CHLSN: variants seen among roughly 807,000 people sequenced by gnomAD.
The protein encoded by CHLSN is protein cholesin.
At chr7:1,042,991 C>T in the CHLSN span, among the ~76,000 whole-genome samples, 1 of 152,028 alleles carries the variant, frequency 6.6e-6, no homozygotes. Flanking sequence ...GTGGCTCACA[C>T]CTGTAATCCC....
At chr7:1,075,771 C>T in the CHLSN span, among the ~76,000 whole-genome samples, 2 of 151,826 alleles carry the variant, frequency 1.3e-5, no homozygotes, top group East Asian at 2.0e-4. Flanking sequence ...CGCCACCACT[C>T]CCAGCTAATT....
chr7:1,016,748 GCAGCACACGCCAGCGCA>G, the CHLSN span, among the ~76,000 whole-genome samples: 5 of 102,930 alleles, frequency 4.9e-5, no homozygotes, highest in South Asian at 2.8e-4. Flanking sequence ...CCAGCGCACA[GCAGCACACGCCAGCGCA>G]CAGCGCACAG....
chr7:1,133,392 C>CAAAAA, the CHLSN span, among the ~76,000 whole-genome samples: 351 of 91,076 alleles, frequency 3.9e-3, 9 homozygotes, highest in African/African-American at 0.013. Flanking sequence ...CGATATACTG[C>CAAAAA]AAAAAAAAAA....
the CHLSN span, chr7:1,000,631 G>A: frequency 3.7e-4 from 443 of 1,198,940 alleles, 4 homozygotes; most frequent in African/African-American, 5.3e-3. Context: ...GATCGGGGAC[G>A]CCTCATCTTA....
the CHLSN span, chr7:985,063 C>G: frequency 2.5e-6 from 4 of 1,612,536 alleles, no homozygotes; most frequent in Non-Finnish European, 3.4e-6. Flanking sequence ...TCTGCAGGAG[C>G]TGAAATGCCT....
At chr7:995,838 T>G in the CHLSN span, among the ~76,000 whole-genome samples, 1 of 152,220 alleles carries the variant, frequency 6.6e-6, no homozygotes, top group Non-Finnish European at 1.5e-5. Context: ...GCAGGCCCTG[T>G]GTCGTGGGTG....
At chr7:983,289 C>T in the CHLSN span, 2 of 1,543,470 alleles carry the variant, frequency 1.3e-6, no homozygotes. Flanking sequence ...AAGACCCCTC[C>T]CCAGCTGCCC....
At chr7:991,443 C>T in the CHLSN span, among the ~76,000 whole-genome samples, 5 of 151,666 alleles carry the variant, frequency 3.3e-5, no homozygotes, top group Non-Finnish European at 7.4e-5. Flanking sequence ...TCTCCTTTAA[C>T]TCATGCCCAT....
At chr7:1,006,451 C>T in the CHLSN span, among the ~76,000 whole-genome samples, 1 of 148,858 alleles carries the variant, frequency 6.7e-6, no homozygotes, top group African/African-American at 2.5e-5. Context: ...GGAAAGAGCA[C>T]ACGACGGCCA....
chr7:1,077,516 C>G, the CHLSN span, among the ~76,000 whole-genome samples: 1 of 152,122 alleles, frequency 6.6e-6, no homozygotes, highest in African/African-American at 2.4e-5. Context: ...GCGTGAGCCA[C>G]CGCGCCCGGC....
chr7:1,133,049 G>A, the CHLSN span, among the ~76,000 whole-genome samples: 1 of 152,158 alleles, frequency 6.6e-6, no homozygotes, highest in South Asian at 2.1e-4. Flanking sequence ...TGCATCCATG[G>A]ACGAAGGGGG....
chr7:1,109,739 G>A, the CHLSN span, among the ~76,000 whole-genome samples: 4 of 151,120 alleles, frequency 2.6e-5, no homozygotes, highest in East Asian at 2.0e-4. Context: ...TCACCCCTCC[G>A]TGGGCGGCGG....
At chr7:1,081,118 C>T in the CHLSN span, among the ~76,000 whole-genome samples, 8 of 152,392 alleles carry the variant, frequency 5.2e-5, no homozygotes, top group East Asian at 1.5e-3. Flanking sequence ...CTGCAACCTG[C>T]AGCTCCCAAA....
the CHLSN span, among the ~76,000 whole-genome samples, chr7:1,113,124 C>T: frequency 4.6e-5 from 7 of 152,154 alleles, no homozygotes; most frequent in Non-Finnish European, 8.8e-5. Flanking sequence ...CACACCCGCA[C>T]GTACAACCGT....
At chr7:1,007,873 G>A in the CHLSN span, among the ~76,000 whole-genome samples, 2 of 152,122 alleles carry the variant, frequency 1.3e-5, no homozygotes, top group Admixed American at 6.5e-5. Context: ...GTGCTCGGAG[G>A]GTGTGTGATC....
At chr7:984,855 G>A in the CHLSN span, 8 of 1,468,480 alleles carry the variant, frequency 5.4e-6, no homozygotes, top group Admixed American at 1.1e-4. Context: ...AGCCAGTCTC[G>A]CTGCCCTGTC....
the CHLSN span, among the ~76,000 whole-genome samples, chr7:980,685 T>C: frequency 4.8e-5 from 1 of 20,890 alleles, no homozygotes; most frequent in African/African-American, 1.8e-4. Flanking sequence ...TAACAGTTAC[T>C]TTTTTTTTTT....
At chr7:1,063,120 G>A in the CHLSN span, among the ~76,000 whole-genome samples, 2 of 152,098 alleles carry the variant, frequency 1.3e-5, no homozygotes, top group African/African-American at 2.4e-5. Context: ...ACAGACCCAC[G>A]CCCCATCCTG....
At chr7:1,044,624 GGCGGCGACTGCGCCGGCCGCCGCCCA>G in the CHLSN span, 2 of 151,486 alleles carry the variant, frequency 1.3e-5, no homozygotes, top group African/African-American at 4.8e-5. Flanking sequence ...CTGCCCGCCC[GGCGGCGACTGCGCCGGCCGCCGCCCA>G]GCAAGCCGGT....
Sources: gnomAD v4.1 joint callset for allele counts (sites outside exome capture counted in the v4.1 genomes callset) on GRCh38, gnomAD v4.1.1 for gene constraint, MANE v1.5 for transcripts, NCBI Gene and HGNC (gene_info 2026-07-23, HGNC 2026-07-21) for gene names.